The following LAMA1 variants were observed in gnomAD, a reference collection of about 807,000 sequenced individuals.
The protein encoded by LAMA1 is laminin subunit alpha-1.
In LAMA1, 219 loss-of-function variants were observed where a neutral mutation model predicts 348.7. The observed-to-expected ratio is 0.63, with a 90% CI of 0.56 to 0.70. LAMA1 has a LOEUF of 0.70. Ranked by LOEUF, LAMA1 falls within the 30% of genes least tolerant of loss-of-function variation. LAMA1 has a pLI of 0.00. For missense variants in LAMA1, 3,744 were observed against 3,888.0 expected (o/e 0.96, Z 0.99); for synonymous variants, 1,487 against 1,491.0 (o/e 1.00, Z 0.06).
chr18:7,031,735 A>T (rs2057970008), intron 16 of LAMA1, among the ~76,000 whole-genome samples: 1 of 143,626 alleles, frequency 7.0e-6, no homozygotes, highest in African/African-American at 2.7e-5. Context: ...TATGCTTTGT[A>T]TTTAATAAGT....
At chr18:7,003,807 A>C (rs2057819657) in intron 29 of LAMA1, among the ~76,000 whole-genome samples, 2 of 152,170 alleles carry the variant, frequency 1.3e-5, no homozygotes, top group South Asian at 4.1e-4. Context: ...GTTAAAAAGG[A>C]CTATTTTAAG....
chr18:7,017,374 G>A lies in LAMA1; in HGVS notation c.2712C>T (p.Cys904=), dbSNP rs1387575551. 6.2e-7 allele frequency: 1 copy of A among 1,612,906 alleles called. No homozygotes were observed. Among genetic ancestry groups the A allele is most frequent in the Non-Finnish European group, 8.5e-7 (1 of 1,179,286 alleles). ...CGGCAGAATGGGAGCCTTTCACATG[G>A]CATTCACAGGCTAAACACATGCACA... ...VTAKNCRACE[C]HVKGSHSAVC... Residue 904 remains cysteine (C), a synonymous_variant, in exon 20 of 63, where the codon TGC becomes TGT. Transcript: ENST00000389658.
chr18:6,956,576 C>A (rs1196317580), intron 56 of LAMA1, 60 bp downstream of exon 56: 3 of 1,611,960 alleles, frequency 1.9e-6, no homozygotes, highest in African/African-American at 2.7e-5. Flanking sequence ...TTAACTCCCT[C>A]TGTCCTAGGC....
At chr18:6,951,076 CT>C in intron 57 of LAMA1, 105 bp from the exon 58 acceptor site, 1 of 984,488 alleles carries the variant, frequency 1.0e-6, no homozygotes, top group Non-Finnish European at 1.6e-6. Context: ...CATTGAACAT[CT>C]CAGGAGAGAG....
chr18:7,030,417 T>C (rs2057963447), intron 16 of LAMA1, among the ~76,000 whole-genome samples: 1 of 152,124 alleles, frequency 6.6e-6, no homozygotes, highest in Non-Finnish European at 1.5e-5. Flanking sequence ...CACTGAATGG[T>C]GTGGGGTCCT....
At chr18:7,012,461 A>T (rs1224457956) in intron 23 of LAMA1, among the ~76,000 whole-genome samples, 1 of 149,788 alleles carries the variant, frequency 6.7e-6, no homozygotes, top group African/African-American at 2.5e-5. Context: ...TGTGAGAGCC[A>T]CCGGCCAGGT....
At chr18:7,045,600 C>T (rs1316990460) in intron 6 of LAMA1, among the ~76,000 whole-genome samples, 1 of 151,816 alleles carries the variant, frequency 6.6e-6, no homozygotes. Context: ...GCTCTGTCAC[C>T]CAGGCTGGAG....
intron 16 of LAMA1, among the ~76,000 whole-genome samples, chr18:7,027,151 T>C (rs1268532129): frequency 6.6e-6 from 1 of 152,068 alleles, no homozygotes; most frequent in Non-Finnish European, 1.5e-5. Flanking sequence ...ATACAGGACA[T>C]AATTGGGTCA....
In LAMA1 at chr18:7,107,236, T is replaced by A. The variant is rs377477960; in HGVS notation, c.61+10424A>T. Among the ~76,000 whole-genome samples the A allele has an allele frequency of 2.0e-3, 297 of 151,704 alleles. 1 individual carries two copies. Among genetic ancestry groups the A allele is most frequent in the African/African-American group, 6.8e-3 (281 of 41,370 alleles). ...CGGGTTCACGCCATTCTCCTGCCTC[T>A]GCCTCCTGAGTAGCTAGGACTACAG... On this transcript the variant is annotated intron_variant, in intron 1 of 62. Coordinates refer to ENST00000389658, the MANE Select transcript of LAMA1 (RefSeq NM_005559.4).
chr18:6,977,487 A>G (rs2057687805), intron 44 of LAMA1, among the ~76,000 whole-genome samples: 1 of 152,256 alleles, frequency 6.6e-6, no homozygotes, highest in African/African-American at 2.4e-5. Context: ...AGACATGGAA[A>G]TCTCTTTGCT....
chr18:6,953,130 T>C (rs547197227), intron 57 of LAMA1, among the ~76,000 whole-genome samples: 1 of 147,894 alleles, frequency 6.8e-6, no homozygotes, highest in South Asian at 2.1e-4. Flanking sequence ...TCTGCCTGTG[T>C]CCAGCGGATC....
intron 3 of LAMA1, among the ~76,000 whole-genome samples, chr18:7,055,366 T>C (rs2058077395): frequency 1.3e-5 from 2 of 149,156 alleles, no homozygotes; most frequent in African/African-American, 2.5e-5. Context: ...GGCCAGAAAA[T>C]TGCTTGAACC....
At chr18:7,054,640 G>A (rs1244399346) in intron 3 of LAMA1, among the ~76,000 whole-genome samples, 1 of 152,112 alleles carries the variant, frequency 6.6e-6, no homozygotes, top group Non-Finnish European at 1.5e-5. Context: ...GTGTGTGTGT[G>A]TACAGTTGAC....
intron 7 of LAMA1, among the ~76,000 whole-genome samples, chr18:7,044,189 A>G (rs2058032718): frequency 1.3e-5 from 2 of 150,616 alleles, no homozygotes; most frequent in Non-Finnish European, 2.9e-5. Context: ...AAAAAAAGCG[A>G]TATGTACAAT....
intron 1 of LAMA1, among the ~76,000 whole-genome samples, chr18:7,117,273 G>A (rs2058361134): frequency 6.8e-6 from 1 of 147,396 alleles, no homozygotes; most frequent in Non-Finnish European, 1.5e-5. Flanking sequence ...CGCCACCCCC[G>A]CCCGCGCAGC....
intron 1 of LAMA1, among the ~76,000 whole-genome samples, chr18:7,080,677 G>A (rs141933944): frequency 3.0e-4 from 45 of 152,284 alleles, no homozygotes; most frequent in African/African-American, 1.0e-3. Flanking sequence ...ATTGTTGCAG[G>A]GGGTGGGGAT....
intron 3 of LAMA1, among the ~76,000 whole-genome samples, chr18:7,069,659 G>A (rs2058137917): frequency 6.6e-6 from 1 of 152,282 alleles, no homozygotes; most frequent in East Asian, 1.9e-4. Context: ...CTGCCTTAAA[G>A]TCGCCATGCT....
chr18:7,023,097 T>C, intron 19 of LAMA1, 67 bp downstream of exon 19: 1 of 1,526,132 alleles, frequency 6.6e-7, no homozygotes, highest in East Asian at 2.4e-5. Flanking sequence ...GTGACACATG[T>C]GACTATACGG....
At chr18:7,027,778 A>G (rs2057951108) in intron 16 of LAMA1, among the ~76,000 whole-genome samples, 1 of 152,116 alleles carries the variant, frequency 6.6e-6, no homozygotes, top group Non-Finnish European at 1.5e-5. Flanking sequence ...CCCCATCTCT[A>G]CTAAAAATAC....
Sources: allele counts gnomAD v4.1 joint callset (sites outside exome capture counted in the v4.1 genomes callset), GRCh38; gene constraint gnomAD v4.1.1; transcripts MANE v1.5; gene names NCBI Gene and HGNC (gene_info 2026-07-23, HGNC 2026-07-21).